Variants in SHB observed in about 807,000 individuals in gnomAD.
The protein encoded by SHB is SH2 domain containing adaptor protein B.
Under a neutral mutation model 52.3 loss-of-function variants are expected in SHB, and 20 were observed. The observed-to-expected ratio is 0.38, with a 90% confidence interval of 0.27 to 0.56. The LOEUF is 0.56. SHB is among the 20% of genes least tolerant of loss of function. The pLI, the probability that SHB is intolerant of heterozygous loss-of-function variation, is 0.71. For missense variants in SHB, 825 were observed against 723.3 expected, an observed-to-expected ratio of 1.14 and a Z score of -1.61; for synonymous variants, 397 against 316.5, an observed-to-expected ratio of 1.25 and a Z score of -2.70.
intron 3 of SHB, among the ~76,000 whole-genome samples, chr9:37,970,615 C>T (rs1350832518): frequency 2.6e-5 from 4 of 152,198 alleles, no homozygotes; most frequent in African/African-American, 4.8e-5. Context: ...CTTCCCCTCT[C>T]CCTGTCTCTG....
intron 5 of SHB, among the ~76,000 whole-genome samples, chr9:37,947,793 G>A (rs1832510940): frequency 6.6e-6 from 1 of 152,236 alleles, no homozygotes; most frequent in African/African-American, 2.4e-5. Flanking sequence ...CGGTAAGTGG[G>A]ACAGAGAGGA....
At chr9:38,005,029 A>C (rs1320006427) in intron 2 of SHB, among the ~76,000 whole-genome samples, 2 of 152,228 alleles carry the variant, frequency 1.3e-5, no homozygotes, top group African/African-American at 4.8e-5. Context: ...CCAAAACCTC[A>C]AACACAGGGC....
intron 3 of SHB, among the ~76,000 whole-genome samples, chr9:37,973,926 G>C (rs2117964681): frequency 6.6e-6 from 1 of 152,302 alleles, no homozygotes; most frequent in Non-Finnish European, 1.5e-5. Context: ...TGTGCACACT[G>C]GGTTCCTCTT....
At chr9:38,066,637 G>A (rs1821964214) in intron 1 of SHB, among the ~76,000 whole-genome samples, 1 of 152,196 alleles carries the variant, frequency 6.6e-6, no homozygotes, top group South Asian at 2.1e-4. Flanking sequence ...GGGAGAGGTG[G>A]GATCTTCCAC....
chr9:38,068,032 G>A lies in SHB; in HGVS notation c.614C>T (p.Ala205Val). ...GAGDPLGGACAGGRTWSPTAC... is the reference protein window; with the variant it reads ...GAGDPLGGACVGGRTWSPTAC... ...CGTCGGGCTCCAGGTGCGGCCGCCC[G>A]CGCAGGCGCCCCCCAGGGGGTCCCC... The change falls in exon 1 of 6, where the codon GCG (alanine) becomes GTG (valine). Residue 205 changes from alanine (A) to valine (V), a missense_variant. Ala to Val is a moderately conservative substitution (Grantham distance 64). Coordinates refer to ENST00000377707, the MANE Select transcript of SHB (RefSeq NM_003028.3). 7 of 1,508,192 alleles carry A rather than the reference G, an allele frequency of 4.6e-6. No homozygotes were observed. In the South Asian group the frequency reaches 5.0e-5, roughly 11 times the overall value. The allele number at this position is 1,508,192 out of a possible 1,614,324, so 93.4% of individuals were successfully genotyped here. A position where few individuals can be genotyped will look rare whatever the true frequency, so the allele number is the denominator to read the frequency against.
At chr9:37,930,296 G>A (rs191635074) in intron 5 of SHB, among the ~76,000 whole-genome samples, 437 of 152,316 alleles carry the variant, frequency 2.9e-3, no homozygotes, top group African/African-American at 9.8e-3. Context: ...GAAGGGCAGA[G>A]GTTTGCTCTC....
intron 1 of SHB, among the ~76,000 whole-genome samples, chr9:38,021,413 T>C (rs558150308): frequency 1.7e-3 from 264 of 152,250 alleles, no homozygotes; most frequent in African/African-American, 6.1e-3. Flanking sequence ...CCCAGCACTT[T>C]GGGAGGCCGA....
At chr9:38,027,241 C>T (rs1433303904) in intron 1 of SHB, among the ~76,000 whole-genome samples, 1 of 152,234 alleles carries the variant, frequency 6.6e-6, no homozygotes, top group Non-Finnish European at 1.5e-5. Context: ...GGGCCCTGAG[C>T]TCCAATGCTT....
intron 1 of SHB, among the ~76,000 whole-genome samples, chr9:38,029,667 T>C (rs1036630686): frequency 2.6e-5 from 4 of 152,082 alleles, no homozygotes; most frequent in African/African-American, 9.7e-5. Context: ...ATCTTTGTAT[T>C]TTTAGTACAG....
At chr9:38,001,076 T>C (rs12347935) in intron 2 of SHB, among the ~76,000 whole-genome samples, 64,334 of 152,120 alleles carry the variant, frequency 0.42, 13,993 homozygotes, top group Middle Eastern at 0.5. Flanking sequence ...TTCTTTATTT[T>C]AAGCATCAGG....
intron 5 of SHB, among the ~76,000 whole-genome samples, chr9:37,924,959 G>C (rs1025535317): frequency 1.3e-5 from 2 of 152,158 alleles, no homozygotes; most frequent in Admixed American, 6.5e-5. Context: ...GCCTCTTTCT[G>C]CCCCAAGATC....
intron 5 of SHB, 33 bp from the exon 6 acceptor site, chr9:37,920,037 C>T (rs771096422): frequency 6.4e-7 from 1 of 1,567,154 alleles, no homozygotes; most frequent in South Asian, 1.1e-5. Flanking sequence ...TCAGAACTAC[C>T]CCCCTGACAC....
intron 1 of SHB, among the ~76,000 whole-genome samples, chr9:38,034,042 T>C (rs1821451313): frequency 6.6e-6 from 1 of 152,146 alleles, no homozygotes; most frequent in Non-Finnish European, 1.5e-5. Context: ...AATATTAACC[T>C]CATTCCTGGC....
chr9:38,035,551 A>T (rs554429904), intron 1 of SHB, among the ~76,000 whole-genome samples: 1 of 152,204 alleles, frequency 6.6e-6, no homozygotes, highest in Admixed American at 6.5e-5. Context: ...CCCCAGTGGC[A>T]TGTGAAAGGT....
intron 1 of SHB, 87 bp from the exon 2 acceptor site, chr9:38,016,218 G>A: frequency 1.4e-6 from 2 of 1,440,094 alleles, no homozygotes; most frequent in Non-Finnish European, 1.9e-6. Flanking sequence ...GCCTCAGCTA[G>A]ATGAGCAAGG....
chr9:38,006,375 G>A (rs982919985), intron 2 of SHB, among the ~76,000 whole-genome samples: 1 of 152,186 alleles, frequency 6.6e-6, no homozygotes, highest in Non-Finnish European at 1.5e-5. Flanking sequence ...GTGGGTTTCC[G>A]CAAGGTTTCC....
chr9:38,058,842 G>C (rs748460880), intron 1 of SHB, among the ~76,000 whole-genome samples: 1 of 152,086 alleles, frequency 6.6e-6, no homozygotes, highest in Non-Finnish European at 1.5e-5. Context: ...CTTGGAGAGC[G>C]GGGTGGTTCA....
intron 2 of SHB, among the ~76,000 whole-genome samples, chr9:38,006,362 A>G (rs1036156318): frequency 1.3e-5 from 2 of 152,214 alleles, no homozygotes; most frequent in Non-Finnish European, 2.9e-5. Context: ...ACACCCCTGC[A>G]GTGTGGGTTT....
At chr9:38,028,742 C>A (rs1264438168) in intron 1 of SHB, among the ~76,000 whole-genome samples, 2 of 152,188 alleles carry the variant, frequency 1.3e-5, no homozygotes, top group Non-Finnish European at 2.9e-5. Flanking sequence ...CAGCAATTGA[C>A]AAAATCAGGT....
Sources: gnomAD v4.1 joint callset for allele counts (sites outside exome capture counted in the v4.1 genomes callset) on GRCh38, gnomAD v4.1.1 for gene constraint, MANE v1.5 for transcripts, NCBI Gene and HGNC (gene_info 2026-07-23, HGNC 2026-07-21) for gene names.